FGF14: variants seen among roughly 807,000 people sequenced by gnomAD.
FGF14 encodes fibroblast growth factor homologous factor 4.
Under a neutral mutation model 25.5 loss-of-function variants are expected in FGF14, and 5 were observed. That is an observed-to-expected ratio of 0.20 (90% CI 0.10 to 0.41). The LOEUF is 0.41. Ranked by LOEUF, FGF14 falls within the 10% of genes least tolerant of loss-of-function variation. FGF14 has a pLI of 1.00. For synonymous variants in FGF14, 138 were observed against 118.3 expected (o/e 1.17, Z -1.08); for missense variants, 222 against 320.1 (o/e 0.69, Z 2.34).
At chr13:102,336,604 C>T (rs1195784478) in intron 1 of FGF14, among the ~76,000 whole-genome samples, 1 of 152,186 alleles carries the variant, frequency 6.6e-6, no homozygotes, top group African/African-American at 2.4e-5. Flanking sequence ...CACTAAACAA[C>T]AGATTTTTAA....
intron 1 of FGF14, among the ~76,000 whole-genome samples, chr13:102,024,425 G>C (rs1203990072): frequency 1.3e-5 from 2 of 151,914 alleles, no homozygotes; most frequent in Non-Finnish European, 2.9e-5. Flanking sequence ...AACTTTTCTG[G>C]AGAACTGTCT....
chr13:101,961,073 A>G (rs188352131), intron 1 of FGF14, among the ~76,000 whole-genome samples: 4 of 152,218 alleles, frequency 2.6e-5, no homozygotes, highest in Admixed American at 2.6e-4. Context: ...TTCCTTGTAC[A>G]TTCTGGATAT....
chr13:101,883,408 C>T (rs1214564234), intron 1 of FGF14, among the ~76,000 whole-genome samples: 1 of 152,148 alleles, frequency 6.6e-6, no homozygotes, highest in African/African-American at 2.4e-5. Context: ...TTTGTTTAAG[C>T]ATGTTTTCAA....
At chr13:102,371,739 A>G (rs1003204979) in intron 1 of FGF14, among the ~76,000 whole-genome samples, 9 of 152,212 alleles carry the variant, frequency 5.9e-5, no homozygotes, top group African/African-American at 2.2e-4. Context: ...AATGAATAAC[A>G]AAGTAAATGC....
intron 1 of FGF14, among the ~76,000 whole-genome samples, chr13:102,334,015 G>A (rs2056715003): frequency 6.6e-6 from 1 of 152,134 alleles, no homozygotes; most frequent in African/African-American, 2.4e-5. Context: ...TGGTAGTCAT[G>A]GGAGCCCATA....
intron 1 of FGF14, among the ~76,000 whole-genome samples, chr13:102,200,274 T>C (rs1466616066): frequency 1.3e-5 from 2 of 152,214 alleles, no homozygotes; most frequent in East Asian, 3.8e-4. Flanking sequence ...TAATTTTGTA[T>C]ACCCACATAT....
chr13:101,757,872 A>C (rs2139883123), intron 3 of FGF14, among the ~76,000 whole-genome samples: 1 of 152,324 alleles, frequency 6.6e-6, no homozygotes, highest in African/African-American at 2.4e-5. Flanking sequence ...CATTGTGAAT[A>C]CCTTAAAGTG....
At chr13:102,315,453 C>T (rs963602933) in intron 1 of FGF14, among the ~76,000 whole-genome samples, 3 of 152,108 alleles carry the variant, frequency 2.0e-5, no homozygotes, top group South Asian at 4.1e-4. Flanking sequence ...GCATTTTTTG[C>T]GGGCCTCTTT....
At chr13:102,376,782 T>G (rs1252968948) in intron 1 of FGF14, among the ~76,000 whole-genome samples, 1 of 152,354 alleles carries the variant, frequency 6.6e-6, no homozygotes, top group East Asian at 1.9e-4. Context: ...ATTGACATTT[T>G]GAATCAGGTC....
intron 1 of FGF14, among the ~76,000 whole-genome samples, chr13:102,171,476 A>T (rs1023752121): frequency 2.6e-5 from 4 of 152,106 alleles, no homozygotes; most frequent in African/African-American, 9.7e-5. Context: ...CTTTGGGTTA[A>T]TTTTTTTCTT....
intron 1 of FGF14, among the ~76,000 whole-genome samples, chr13:101,987,021 C>T (rs1581743): frequency 0.32 from 49,228 of 151,656 alleles, 8,652 homozygotes; most frequent in East Asian, 0.7. Flanking sequence ...TAATTTCTTC[C>T]TACCACTTCA....
At chr13:101,758,683 A>C (rs76474743) in intron 3 of FGF14, among the ~76,000 whole-genome samples, 1 of 152,154 alleles carries the variant, frequency 6.6e-6, no homozygotes, top group Non-Finnish European at 1.5e-5. Flanking sequence ...CTAGTTCTCT[A>C]TGTGGTTGGC....
Position 101,946,957 on chromosome 13 carries a change from C to T in FGF14, c.209-71661G>A, listed in dbSNP as rs570316007. ...CTAGAGGAAGAACTCTTTAGTGCCC[C>T]GAGTTTTTATCCACTTAATGCTGAG... is the stretch of plus-strand genomic sequence containing the variant. On this transcript the variant is annotated intron_variant, in intron 1 of 4. Coordinates refer to the FGF14 transcript ENST00000376131. Among the ~76,000 whole-genome samples the T allele has an allele frequency of 7.2e-5, 11 of 152,158 alleles. No homozygotes were observed. The East Asian group carries it at 1.2e-3, about 16-fold the overall frequency.
intron 3 of FGF14, among the ~76,000 whole-genome samples, chr13:101,790,404 ATTTTC>A (rs1195010552): frequency 1.2e-5 from 1 of 86,366 alleles, no homozygotes; most frequent in African/African-American, 3.5e-5. Context: ...GGCTCTATTC[ATTTTC>A]TTTTTTTTTT....
intron 1 of FGF14, among the ~76,000 whole-genome samples, chr13:102,065,506 C>T (rs942622624): frequency 6.6e-6 from 1 of 151,912 alleles, no homozygotes; most frequent in Non-Finnish European, 1.5e-5. Flanking sequence ...AGGAAGATAA[C>T]AGAAAATAAC....
At chr13:101,874,465 TAAAA>T (rs2045284124) in intron 2 of FGF14, among the ~76,000 whole-genome samples, 1 of 152,006 alleles carries the variant, frequency 6.6e-6, no homozygotes, top group African/African-American at 2.4e-5. Context: ...TATGCTAAAT[TAAAA>T]ATGAATCAGA....
intron 1 of FGF14, among the ~76,000 whole-genome samples, chr13:102,241,070 T>A (rs1008146940): frequency 1.3e-4 from 19 of 151,978 alleles, no homozygotes; most frequent in Non-Finnish European, 2.5e-4. Flanking sequence ...TTACCAGAAA[T>A]CAGGAAAACA....
At chr13:102,247,760 C>G (rs2051953918) in intron 1 of FGF14, among the ~76,000 whole-genome samples, 2 of 151,988 alleles carry the variant, frequency 1.3e-5, no homozygotes, top group South Asian at 4.1e-4. Flanking sequence ...AAGGAAAATA[C>G]ATCGCTCTAC....
chr13:102,086,346 C>T (rs868682239), intron 1 of FGF14, among the ~76,000 whole-genome samples: 2 of 151,952 alleles, frequency 1.3e-5, no homozygotes, highest in South Asian at 4.2e-4. Flanking sequence ...AGGATAGAGA[C>T]GGTGAAACCC....
Sources: gnomAD v4.1 joint callset for allele counts (sites outside exome capture counted in the v4.1 genomes callset) on GRCh38, gnomAD v4.1.1 for gene constraint, MANE v1.5 for transcripts, NCBI Gene and HGNC (gene_info 2026-07-23, HGNC 2026-07-21) for gene names.